The following KRT75 variants were observed in gnomAD, a reference collection of about 807,000 sequenced individuals.
KRT75 encodes keratin, type II cytoskeletal 75.
A neutral mutation model predicts 48.8 loss-of-function variants in KRT75; 35 were observed. The ratio of observed to expected loss-of-function variants is 0.72; its 90% CI spans 0.55 to 0.95. The LOEUF (loss-of-function observed/expected upper bound fraction) is 0.95. Among genes scored for constraint, KRT75 ranks in the 40% least tolerant of loss-of-function variants. KRT75 has a pLI of 0.00. For missense variants in KRT75, 776 were observed against 709.9 expected (o/e 1.09, Z -1.06); for synonymous variants, 301 against 282.3 (o/e 1.07, Z -0.66).
Position 52,428,407 on chromosome 12 carries a change from C to A in KRT75, c.1231G>T (p.Ala411Ser), listed in dbSNP as rs1182050861. The A allele has an allele frequency of 6.2e-7, 1 of 1,614,188 alleles. No homozygotes were observed. The highest frequency in any genetic ancestry group is 8.5e-7 in the Non-Finnish European group (1 of 1,180,040). Reference protein sequence around the residue: ...RGELALKDARAKLVDLEEALQ... With the variant: ...RGELALKDARSKLVDLEEALQ... Reference sequence around the variant, plus strand: ...GCCTCCTCAAGGTCCACCAGCTTGGCCCGTGCATCCTTGAGAGCCAGTTCT... The same window carrying A: ...GCCTCCTCAAGGTCCACCAGCTTGGACCGTGCATCCTTGAGAGCCAGTTCT... The change falls in exon 7 of 9, where the codon GCC becomes TCC. Residue 411 changes from alanine to serine, a missense_variant. Coordinates refer to ENST00000252245, the MANE Select transcript of KRT75 (RefSeq NM_004693.3).
At chr12:52,432,089 G>A (rs752299921) in intron 2 of KRT75, 23 bp from the exon 3 acceptor site, 4 of 1,613,444 alleles carry the variant, frequency 2.5e-6, no homozygotes, top group East Asian at 2.2e-5. Flanking sequence ...AGCGGGGGGT[G>A]TGCTGTTGAG....
intron 5 of KRT75, among the ~76,000 whole-genome samples, chr12:52,430,328 C>T (rs982865268): frequency 6.6e-6 from 1 of 152,058 alleles, no homozygotes; most frequent in Non-Finnish European, 1.5e-5. Flanking sequence ...CAGTGGATGT[C>T]CTGAGCTCCC....
chr12:52,432,901 C>T, intron 2 of KRT75, 137 bp downstream of exon 2: 2 of 804,736 alleles, frequency 2.5e-6, no homozygotes, highest in Admixed American at 4.0e-5. Context: ...ACAGTGCTGT[C>T]TCCACCTTGC....
At chr12:52,432,927 G>T in intron 2 of KRT75, 111 bp downstream of exon 2, 2 of 1,097,148 alleles carry the variant, frequency 1.8e-6, no homozygotes, top group Non-Finnish European at 2.7e-6. Context: ...AAAGGCTGCA[G>T]TTCCAAAGCT....
intron 2 of KRT75, 72 bp downstream of exon 2, chr12:52,432,965 TG>T: frequency 6.8e-7 from 1 of 1,478,952 alleles, no homozygotes; most frequent in African/African-American, 1.4e-5. Flanking sequence ...TTTGCTCCTT[TG>T]CACCTCTCTG....
Position 52,430,675 on chromosome 12 carries a change from C to A in KRT75, c.901G>T (p.Asp301Tyr). The change falls in exon 5 of 9, where the codon GAC becomes TAC. Residue 301 changes from aspartate (D) to tyrosine (Y), a missense_variant. Transcript: ENST00000252245. Reference sequence around the variant, plus strand: ...TCCATGGACAGCACCACGGATGTGTCACCGACCTGGGTCTGCAACTGGGAC... The same window carrying A: ...TCCATGGACAGCACCACGGATGTGTAACCGACCTGGGTCTGCAACTGGGAC... Reference protein sequence around the residue: ...ELSQLQTQVGDTSVVLSMDNN... With the variant: ...ELSQLQTQVGYTSVVLSMDNN... The A allele has an allele frequency of 6.2e-7, 1 of 1,614,166 alleles. No individual in the cohort carries two copies. The highest frequency in any genetic ancestry group is 1.7e-5 in the Admixed American group (1 of 60,026).
intron 4 of KRT75, 85 bp downstream of exon 4, chr12:52,431,458 C>CTGAA (rs1325084144): frequency 1.9e-6 from 2 of 1,043,356 alleles, no homozygotes; most frequent in East Asian, 2.4e-5. Context: ...GGCAGAGGCA[C>CTGAA]TGAATGAATG....
intron 8 of KRT75, among the ~76,000 whole-genome samples, chr12:52,425,535 A>T (rs1372005692): frequency 2.0e-5 from 3 of 152,232 alleles, no homozygotes; most frequent in African/African-American, 4.8e-5. Context: ...GAAGACATTC[A>T]TCTGAAGCCA....
At chr12:52,426,878 A>C in intron 7 of KRT75, 27 bp from the exon 8 acceptor site, 1 of 1,613,204 alleles carries the variant, frequency 6.2e-7, no homozygotes, top group Non-Finnish European at 8.5e-7. Flanking sequence ...GGGAGAAGGA[A>C]GGTTACCAAT....
chr12:52,432,215 T>C, intron 2 of KRT75, 149 bp from the exon 3 acceptor site: 1 of 700,606 alleles, frequency 1.4e-6, no homozygotes, highest in Non-Finnish European at 2.5e-6. Flanking sequence ...TAACCTCTAT[T>C]TCTCCCTCCA....
At position 52,434,110 on chromosome 12, in the gene KRT75, C is replaced by T. The variant is rs745459441; in HGVS notation, c.195G>A (p.Leu65=). The T allele has an allele frequency of 1.2e-6, 2 of 1,614,158 alleles. No homozygotes were observed. Among genetic ancestry groups the T allele is most frequent in the African/African-American group, 1.3e-5 (1 of 75,044 alleles). The change falls in exon 1 of 9, where the codon CTG becomes CTA. Residue 65 remains leucine (L), a synonymous_variant. Transcript: ENST00000252245. ...ASFGSRSLYN[L]GGAKRVSING... is the part of the protein sequence containing the mutation. ...TGATGGAGACCCGCTTGGCACCCCC[C>T]AGGTTGTAGAGGCTGCGGCTTCCAA...
rs1298326662 is a variant in KRT75, at chr12:52,430,627, C to T, written c.949G>A (p.Asp317Asn). ...SMDNNRNLDL[D>N]SIIAEVKAQY... The stretch of plus-strand genomic sequence containing the variant: ...GCTTTGACCTCGGCGATGATACTAT[C>T]CAGGTCCAGGTTGCGGTTGTTGTCC... Residue 317 changes from aspartate to asparagine, a missense_variant, in exon 5 of 9, where the codon GAT becomes AAT. By Grantham distance (23) the Asp-to-Asn change is conservative. Transcript: ENST00000252245. 1 of 1,614,180 alleles carries T rather than the reference C, an allele frequency of 6.2e-7. No homozygotes were observed. The highest frequency in any genetic ancestry group is 1.3e-5 in the African/African-American group (1 of 75,044).
chr12:52,432,916 TA>T, intron 2 of KRT75, 121 bp downstream of exon 2: 1 of 925,120 alleles, frequency 1.1e-6, no homozygotes, highest in Non-Finnish European at 1.7e-6. Flanking sequence ...CCTTGCAGGA[TA>T]AAGGCTGCAG....
At chr12:52,425,938 G>T (rs919686183) in intron 8 of KRT75, among the ~76,000 whole-genome samples, 2 of 152,188 alleles carry the variant, frequency 1.3e-5, no homozygotes, top group Admixed American at 6.5e-5. Flanking sequence ...GAGCTTCAAG[G>T]TTATGCTTGA....
Position 52,428,309 on chromosome 12 carries a change from G to A in KRT75, c.1329C>T (p.Ala443=). Reference sequence around the variant, plus strand: ...GGTAGGTGGCGATCTCCACGTCCAGGGCCAGCTTGATGTTCATCAGCTCCT... The same window carrying A: ...GGTAGGTGGCGATCTCCACGTCCAGAGCCAGCTTGATGTTCATCAGCTCCT... ...EYQELMNIKL[A]LDVEIATYRK... Residue 443 remains alanine, a synonymous_variant, in exon 7 of 9, where the codon GCC becomes GCT. Transcript: ENST00000252245. 1 of 1,614,088 alleles carries A rather than the reference G, an allele frequency of 6.2e-7. No individual in the cohort carries two copies. Among genetic ancestry groups the A allele is most frequent in the Non-Finnish European group, 8.5e-7 (1 of 1,180,024 alleles).
At chr12:52,428,790 C>T (rs1480652873) in intron 5 of KRT75, 47 bp from the exon 6 acceptor site, 1 of 1,612,574 alleles carries the variant, frequency 6.2e-7, no homozygotes, top group Admixed American at 1.7e-5. Context: ...ATGCCTGGCC[C>T]AGGCACTCGC....
chr12:52,432,351 C>T (rs979295857), intron 2 of KRT75, among the ~76,000 whole-genome samples: 2 of 152,144 alleles, frequency 1.3e-5, no homozygotes, highest in African/African-American at 4.8e-5. Context: ...ATATGCAATG[C>T]TAATCTAAAA....
chr12:52,432,951 G>T (rs1012106024), intron 2 of KRT75, 87 bp downstream of exon 2: 4 of 1,340,636 alleles, frequency 3.0e-6, no homozygotes, highest in Admixed American at 1.7e-5. Flanking sequence ...GGCTGATATC[G>T]GCATTTGCTC....
At chr12:52,429,209 G>T (rs1940112553) in intron 5 of KRT75, among the ~76,000 whole-genome samples, 1 of 152,172 alleles carries the variant, frequency 6.6e-6, no homozygotes, top group African/African-American at 2.4e-5. Context: ...TTTGATCAAG[G>T]TCCCTGGGTA....
Sources: gnomAD v4.1 joint callset for allele counts (sites outside exome capture counted in the v4.1 genomes callset) on GRCh38, gnomAD v4.1.1 for gene constraint, MANE v1.5 for transcripts, NCBI Gene and HGNC (gene_info 2026-07-23, HGNC 2026-07-21) for gene names.